The following LNP1 variants were observed in gnomAD, a reference collection of about 807,000 sequenced individuals.
LNP1 encodes the protein leukemia NUP98 fusion partner 1.
LNP1 carries 12 observed loss-of-function variants against 14.5 expected under a neutral mutation model. The ratio of observed to expected loss-of-function variants is 0.83; its 90% CI spans 0.53 to 1.34. LNP1 has a LOEUF of 1.34. LNP1 is among the 40% of genes most tolerant of loss of function. The pLI is 0.00. For synonymous variants in LNP1, 75 were observed against 71.4 expected, an observed-to-expected ratio of 1.05 and a Z score of -0.26; for missense variants, 198 against 210.9, an observed-to-expected ratio of 0.94 and a Z score of 0.38.
chr3:100,406,610 C>T (rs979227179), intron 1 of LNP1, among the ~76,000 whole-genome samples: 1 of 152,190 alleles, frequency 6.6e-6, no homozygotes, highest in African/African-American at 2.4e-5. Flanking sequence ...TCTCGGCTCA[C>T]TGCAACCTCC....
intron 1 of LNP1, among the ~76,000 whole-genome samples, chr3:100,426,164 A>G (rs533106474): frequency 4.9e-4 from 74 of 152,330 alleles, no homozygotes; most frequent in African/African-American, 1.7e-3. Flanking sequence ...TGGTCCTATC[A>G]AAGAGCAAGC....
In LNP1 at chr3:100,429,764, C is replaced by T. The variant is rs1385859905; in HGVS notation, c.35C>T (p.Ser12Phe). Residue 12 changes from serine to phenylalanine, a missense_variant, in exon 2 of 4, where the codon TCT (serine) becomes TTT (phenylalanine). Coordinates refer to ENST00000383693, the MANE Select transcript of LNP1 (RefSeq NM_001085451.2). ...AAAGATGATGATGATGATGATGTGT[C>T]TTTTGCCAAATGGATGAGCAGCTTC... ...EHKDDDDDDV[S>F]FAKWMSSFWG... 3 of 1,613,728 alleles carry T rather than the reference C, an allele frequency of 1.9e-6. No individual in the cohort carries two copies. The African/African-American group carries it at 4.0e-5, about 22-fold the overall frequency.
At chr3:100,450,279 A>G (rs986002025) in intron 2 of LNP1, among the ~76,000 whole-genome samples, 4 of 149,876 alleles carry the variant, frequency 2.7e-5, no homozygotes, top group Non-Finnish European at 4.4e-5. Context: ...CACAACTTAT[A>G]TGGTCACTGA....
chr3:100,419,567 A>G (rs1707124618), intron 1 of LNP1, among the ~76,000 whole-genome samples: 1 of 152,124 alleles, frequency 6.6e-6, no homozygotes, highest in Admixed American at 6.5e-5. Flanking sequence ...AACTGTCACA[A>G]TCAAAGTACA....
intron 3 of LNP1, among the ~76,000 whole-genome samples, chr3:100,454,186 A>G (rs1462785311): frequency 6.6e-6 from 1 of 152,140 alleles, no homozygotes; most frequent in Non-Finnish European, 1.5e-5. Context: ...AAACTCAAAA[A>G]CTCTTTTTCA....
intron 1 of LNP1, among the ~76,000 whole-genome samples, chr3:100,405,719 T>G (rs1319125988): frequency 6.6e-6 from 1 of 152,198 alleles, no homozygotes; most frequent in Non-Finnish European, 1.5e-5. Context: ...TTTTTCTCTT[T>G]TATTCATTTC....
intron 2 of LNP1, among the ~76,000 whole-genome samples, chr3:100,431,366 AACTGTGTCCTTATGAC>A (rs1285436483): frequency 1.3e-5 from 2 of 152,162 alleles, no homozygotes; most frequent in Admixed American, 6.5e-5. Flanking sequence ...AACATTTGTA[AACTGTGTCCTTATGAC>A]ATCTTTATCT....
At chr3:100,448,678 C>T (rs550104023) in intron 2 of LNP1, among the ~76,000 whole-genome samples, 5 of 152,166 alleles carry the variant, frequency 3.3e-5, no homozygotes, top group African/African-American at 7.2e-5. Flanking sequence ...AAGTTGAAAA[C>T]GCATTTGACT....
intron 1 of LNP1, among the ~76,000 whole-genome samples, chr3:100,405,671 C>G (rs1286616671): frequency 6.6e-6 from 1 of 152,156 alleles, no homozygotes; most frequent in African/African-American, 2.4e-5. Flanking sequence ...AATCACTTCC[C>G]AAAGGCCTCA....
At chr3:100,410,316 A>G (rs181337993) in intron 1 of LNP1, among the ~76,000 whole-genome samples, 3 of 152,222 alleles carry the variant, frequency 2.0e-5, no homozygotes, top group African/African-American at 7.2e-5. Flanking sequence ...CAGAATATTC[A>G]TTCAAATGTG....
At chr3:100,450,426 T>C (rs9290059) in intron 2 of LNP1, among the ~76,000 whole-genome samples, 63,764 of 150,544 alleles carry the variant, frequency 0.42, 13,826 homozygotes, top group East Asian at 0.59. Context: ...CTCCACCTCC[T>C]GGGTTCAAGC....
At chr3:100,408,169 T>C (rs1381645230) in intron 1 of LNP1, among the ~76,000 whole-genome samples, 3 of 152,218 alleles carry the variant, frequency 2.0e-5, no homozygotes, top group Non-Finnish European at 4.4e-5. Context: ...CATGTGTCAG[T>C]GTGTGTGCAT....
chr3:100,442,515 C>T (rs1407741943), intron 2 of LNP1, among the ~76,000 whole-genome samples: 1 of 152,066 alleles, frequency 6.6e-6, no homozygotes, highest in Admixed American at 6.6e-5. Context: ...CAACTCAAAC[C>T]AAGGCAGGAA....
At chr3:100,412,935 C>A (rs139416286) in intron 1 of LNP1, among the ~76,000 whole-genome samples, 1 of 152,054 alleles carries the variant, frequency 6.6e-6, no homozygotes, top group South Asian at 2.1e-4. Flanking sequence ...ATGGTCAATG[C>A]GAAATAAAAA....
intron 2 of LNP1, among the ~76,000 whole-genome samples, chr3:100,448,865 G>T (rs919649005): frequency 6.6e-6 from 1 of 151,698 alleles, no homozygotes; most frequent in African/African-American, 2.4e-5. Flanking sequence ...TCATAAAACC[G>T]TTTTTTTTCC....
chr3:100,418,807 T>C lies in LNP1; in HGVS notation c.-33-10890T>C, dbSNP rs1337619476. The stretch of plus-strand genomic sequence containing the variant: ...TCCTAGAAGGTCAGATTTGAGAGTT[T>C]ATGGTGGCTGGACAGTTCAGCCCTT... On this transcript the variant is annotated intron_variant, in intron 1 of 3. Coordinates refer to ENST00000383693, the MANE Select transcript of LNP1 (RefSeq NM_001085451.2). Among the ~76,000 whole-genome samples, 4 of 152,340 alleles carry C rather than the reference T, an allele frequency of 2.6e-5. No homozygotes were observed. In the South Asian group the frequency reaches 6.2e-4, roughly 24 times the overall value.
At chr3:100,412,238 A>G (rs1279515124) in intron 1 of LNP1, among the ~76,000 whole-genome samples, 1 of 152,158 alleles carries the variant, frequency 6.6e-6, no homozygotes, top group Non-Finnish European at 1.5e-5. Flanking sequence ...CTTTCTTAGG[A>G]ACTAATCTGT....
At chr3:100,416,599 T>TTTTGTGTGTG (rs1491128284) in intron 1 of LNP1, among the ~76,000 whole-genome samples, 4 of 94,620 alleles carry the variant, frequency 4.2e-5, no homozygotes, top group Admixed American at 3.8e-4. Flanking sequence ...TATATCTTTT[T>TTTTGTGTGTG]TGTGTGTGTG....
At position 100,451,752 on chromosome 3, in the gene LNP1, T is replaced by A. The variant is rs75122231; in HGVS notation, c.190T>A (p.Cys64Ser). 5.1e-5 allele frequency: 45 copies of A among 874,276 alleles called. 1 individual carries two copies. In the Middle Eastern group the frequency reaches 3.1e-3, roughly 60 times the overall value. 54.2% of individuals were successfully genotyped at this position (874,276 alleles called of 1,614,324 possible). Reference sequence around the variant, plus strand: ...GCTTCCCAGAATTCCATCATCTGACTGCCATCCTAGAAGGCATTCTCATGA... The same window carrying A: ...GCTTCCCAGAATTCCATCATCTGACAGCCATCCTAGAAGGCATTCTCATGA... ...PVLPRIPSSDCHPRRHSHEDQ... is the reference protein window; with the variant it reads ...PVLPRIPSSDSHPRRHSHEDQ... The change falls in exon 3 of 4, where the codon TGC (cysteine) becomes AGC (serine). Residue 64 changes from cysteine to serine, a missense_variant. Transcript: ENST00000383693.
Sources: gnomAD v4.1 joint callset for allele counts (sites outside exome capture counted in the v4.1 genomes callset) on GRCh38, gnomAD v4.1.1 for gene constraint, MANE v1.5 for transcripts, NCBI Gene and HGNC (gene_info 2026-07-23, HGNC 2026-07-21) for gene names.